The following BRIX1 variants were observed in gnomAD, a reference collection of about 807,000 sequenced individuals.
BRIX1 encodes the protein biogenesis of ribosomes BRX1, also known as ribosome biogenesis protein BRX1 homolog.
A neutral mutation model predicts 44.0 loss-of-function variants in BRIX1; 15 were observed. The ratio of observed to expected loss-of-function variants is 0.34; its 90% CI spans 0.23 to 0.53. The LOEUF (loss-of-function observed/expected upper bound fraction) is 0.53, where lower values mean the gene tolerates loss of function less well. Among genes scored for constraint, BRIX1 ranks in the 20% least tolerant of loss-of-function variants. BRIX1 has a pLI of 0.95. For synonymous variants in BRIX1, 149 were observed against 135.4 expected (o/e 1.10, Z -0.70); for missense variants, 420 against 432.8 (o/e 0.97, Z 0.26).
At chr5:34,922,808 T>C (rs755112005) in intron 6 of BRIX1, 40 bp downstream of exon 6, 13 of 1,559,056 alleles carry the variant, frequency 8.3e-6, no homozygotes, top group South Asian at 1.1e-5. Flanking sequence ...AATTTTCTTA[T>C]CTGGCATGGT....
At chr5:34,917,141 G>GA (rs922843944) in intron 1 of BRIX1, among the ~76,000 whole-genome samples, 201 of 150,300 alleles carry the variant, frequency 1.3e-3, no homozygotes, top group African/African-American at 4.4e-3. Context: ...CTCCAAGGGA[G>GA]AAAAAAAAAC....
Position 34,918,322 on chromosome 5 carries a change from G to C in BRIX1, c.160-42G>C, listed in dbSNP as rs769394229. ...CCTGTCACAAAACAAGATCAGTTCA[G>C]TATAAGATTTTAAAATCTTTTAACA... On this transcript the variant is annotated intron_variant, in intron 1 of 9. Coordinates refer to ENST00000336767, the MANE Select transcript of BRIX1 (RefSeq NM_018321.4). The C allele has an allele frequency of 5.8e-6, 6 of 1,037,596 alleles. No homozygotes were observed. The African/African-American group carries it at 9.6e-5, about 17-fold the overall frequency. 64.3% of individuals were successfully genotyped at this position (1,037,596 alleles called of 1,614,324 possible). A position where few individuals can be genotyped will look rare whatever the true frequency, so the allele number is the denominator to read the frequency against.
In BRIX1 at chr5:34,922,270, A is replaced by T. The variant is rs760561228; in HGVS notation, c.369A>T (p.Lys123Asn). 1.9e-6 allele frequency: 3 copies of T among 1,587,850 alleles called. No homozygotes were observed. The highest frequency in any genetic ancestry group is 2.6e-6 in the Non-Finnish European group (3 of 1,159,954). Residue 123 changes from lysine (K) to asparagine (N), a missense_variant, in exon 4 of 10, where the codon AAA becomes AAT. By Grantham distance (94) the Lys-to-Asn change is moderately conservative. Coordinates refer to ENST00000336767, the MANE Select transcript of BRIX1 (RefSeq NM_018321.4). The stretch of plus-strand genomic sequence containing the variant: ...GCATCTATTTTGAAGCTAAGAAAAA[A>T]CAGGATCTCTATATGTGGTAAGAGA... ...NKCIYFEAKKKQDLYMWLSNS... is the reference protein window; with the variant it reads ...NKCIYFEAKKNQDLYMWLSNS...
intron 3 of BRIX1, chr5:34,920,393 A>G (rs539216198): frequency 6.6e-6 from 1 of 152,308 alleles, no homozygotes; most frequent in African/African-American, 2.4e-5. Context: ...ACAGAACATA[A>G]ATTTACATTT....
At chr5:34,922,403 T>C in intron 4 of BRIX1, 116 bp downstream of exon 4, 2 of 901,894 alleles carry the variant, frequency 2.2e-6, no homozygotes, top group Non-Finnish European at 3.5e-6. Context: ...AAGCAAACTT[T>C]TGATTTCACG....
At chr5:34,917,511 G>A (rs1041053624) in intron 1 of BRIX1, among the ~76,000 whole-genome samples, 1 of 151,862 alleles carries the variant, frequency 6.6e-6, no homozygotes, top group Non-Finnish European at 1.5e-5. Flanking sequence ...GCAGTGGCGG[G>A]CACCTGTAAT....
chr5:34,921,959 C>T, intron 3 of BRIX1: 1 of 226,664 alleles, frequency 4.4e-6, no homozygotes, highest in Non-Finnish European at 8.4e-6. Context: ...AGAAGTGAGA[C>T]CATTTTAGAT....
Position 34,917,981 on chromosome 5 carries a change from T to C in BRIX1, c.160-383T>C, listed in dbSNP as rs1447899931. The C allele has an allele frequency of 3.2e-5, 5 of 154,992 alleles. No individual in the cohort carries two copies. The Admixed American group carries it at 3.3e-4, about 10-fold the overall frequency. The allele number at this position is 154,992 out of a possible 1,614,324, so 9.6% of individuals were successfully genotyped here. On this transcript the variant is annotated intron_variant, in intron 1 of 9. Coordinates refer to ENST00000336767, the MANE Select transcript of BRIX1 (RefSeq NM_018321.4). ...AGAGATGAAATTAAAGGAGTCAGGA[T>C]GGTTTGACTTGGTTATGAGCTACTT...
intron 1 of BRIX1, 37 bp downstream of exon 1, chr5:34,915,934 C>G (rs2111964166): frequency 1.3e-6 from 2 of 1,498,316 alleles, no homozygotes; most frequent in Non-Finnish European, 1.8e-6. Flanking sequence ...CCTGCGGCGG[C>G]GGCTCTGTGC....
intron 9 of BRIX1, 27 bp downstream of exon 9, chr5:34,925,002 T>A (rs1264931967): frequency 3.7e-6 from 6 of 1,607,290 alleles, no homozygotes; most frequent in Non-Finnish European, 5.1e-6. Flanking sequence ...TTCAGTAGTC[T>A]TCAATGTACC....
At position 34,918,352 on chromosome 5, in the gene BRIX1, C is replaced by T; in HGVS notation, c.160-12C>T. ...AGATTTTAAAATCTTTTAACATTTT[C>T]TTTTTCTTTAGGGAAAGTGGAAAAA... On this transcript the variant is annotated splice_polypyrimidine_tract_variant and intron_variant, in intron 1 of 9. Coordinates refer to ENST00000336767, the MANE Select transcript of BRIX1 (RefSeq NM_018321.4). 2 of 1,299,098 alleles carry T rather than the reference C, an allele frequency of 1.5e-6. No homozygotes were observed. Among genetic ancestry groups the T allele is most frequent in the Non-Finnish European group, 2.2e-6 (2 of 902,336 alleles). 80.5% of individuals were successfully genotyped at this position (1,299,098 alleles called of 1,614,324 possible). A position where few individuals can be genotyped will look rare whatever the true frequency, so the allele number is the denominator to read the frequency against.
intron 1 of BRIX1, chr5:34,916,139 T>A: frequency 2.4e-6 from 1 of 411,428 alleles, no homozygotes; most frequent in Non-Finnish European, 4.3e-6. Context: ...GGAAGCGACT[T>A]ACAGGGTGCT....
intron 3 of BRIX1, chr5:34,921,216 C>T (rs1194661529): frequency 2.0e-5 from 3 of 152,170 alleles, no homozygotes; most frequent in African/African-American, 7.2e-5. Flanking sequence ...ATGAATACTA[C>T]AGTAATACAA....
chr5:34,915,972 A>G (rs910353568), intron 1 of BRIX1, 75 bp downstream of exon 1: 36 of 1,443,812 alleles, frequency 2.5e-5, no homozygotes, highest in South Asian at 1.9e-4. Flanking sequence ...TTACTTGACT[A>G]CAGCCTTGCT....
At chr5:34,920,893 C>G (rs1764224334) in intron 3 of BRIX1, 2 of 151,670 alleles carry the variant, frequency 1.3e-5, no homozygotes, top group South Asian at 4.2e-4. Context: ...AGACAAAAGT[C>G]TCTCTCTGTT....
intron 1 of BRIX1, among the ~76,000 whole-genome samples, chr5:34,916,936 A>G (rs1375545841): frequency 2.6e-5 from 4 of 152,198 alleles, no homozygotes; most frequent in African/African-American, 4.8e-5. Flanking sequence ...AGTAAATGTT[A>G]GTGTTCTCAC....
At chr5:34,920,734 C>T (rs1441066278) in intron 3 of BRIX1, 1 of 152,038 alleles carries the variant, frequency 6.6e-6, no homozygotes, top group Non-Finnish European at 1.5e-5. Flanking sequence ...GGTAAAAGAC[C>T]ATCTAGCTAG....
intron 3 of BRIX1, 125 bp downstream of exon 3, chr5:34,920,008 C>T (rs1764206773): frequency 1.6e-5 from 8 of 508,044 alleles, no homozygotes; most frequent in Non-Finnish European, 2.5e-5. Context: ...ATTTTATTAA[C>T]TCTTCAATAA....
intron 1 of BRIX1, chr5:34,916,434 A>G (rs1032685084): frequency 6.6e-5 from 10 of 152,398 alleles, no homozygotes; most frequent in African/African-American, 2.4e-4. Flanking sequence ...CTTGTATTCA[A>G]CAGACATTGA....
Sources: gnomAD v4.1 joint callset for allele counts (sites outside exome capture counted in the v4.1 genomes callset) on GRCh38, gnomAD v4.1.1 for gene constraint, MANE v1.5 for transcripts, NCBI Gene and HGNC (gene_info 2026-07-23, HGNC 2026-07-21) for gene names.